TRPV1: variants seen among roughly 807,000 people sequenced by gnomAD.
TRPV1 encodes the protein OTRPC1.
A neutral mutation model predicts 82.3 loss-of-function variants in TRPV1; 82 were observed. That is an observed-to-expected ratio of 1.00 (90% CI 0.83 to 1.20). TRPV1 has a LOEUF of 1.20. TRPV1 is among the 50% of genes most tolerant of loss of function. TRPV1 has a pLI of 0.00. For synonymous variants in TRPV1, 515 were observed against 467.7 expected, an observed-to-expected ratio of 1.10 and a Z score of -1.30; for missense variants, 1,067 against 1,096.8, an observed-to-expected ratio of 0.97 and a Z score of 0.38.
chr17:3,578,043 G>A (rs985971502), intron 11 of TRPV1: 2 of 275,090 alleles, frequency 7.3e-6, no homozygotes, highest in African/African-American at 2.1e-5. Context: ...AGTAGCTCAC[G>A]CCTTTAATCC....
At chr17:3,596,295 GCATC>G (rs113591328) in intron 2 of TRPV1, among the ~76,000 whole-genome samples, 8 of 151,692 alleles carry the variant, frequency 5.3e-5, no homozygotes, top group Non-Finnish European at 8.8e-5. Context: ...TCTGCCCAAA[GCATC>G]CATCCATCCA....
chr17:3,609,249 C>G (rs565332809), intron 1 of TRPV1, 60 bp downstream of exon 1: 9 of 151,884 alleles, frequency 5.9e-5, no homozygotes, highest in Admixed American at 3.3e-4. Flanking sequence ...CATCTTAGAG[C>G]TTCCAGATAA....
intron 16 of TRPV1, among the ~76,000 whole-genome samples, chr17:3,568,280 C>T (rs1468241882): frequency 1.3e-5 from 2 of 150,642 alleles, no homozygotes; most frequent in East Asian, 1.9e-4. Flanking sequence ...CAAGATTGCG[C>T]CACTGCACTC....
At position 3,566,753 on chromosome 17, in the gene TRPV1, GC is replaced by G. The variant is rs941633526; in HGVS notation, c.*61del. The G allele has an allele frequency of 3.8e-5, 59 of 1,567,162 alleles. No homozygotes were observed. The African/African-American group carries it at 6.3e-4, about 17-fold the overall frequency. ...ACAGAGCACTGGTGTTCCCTCAGCA[GC>G]CCCCCGTGGCAACGGGGTCTCCTAA... On this transcript the variant is annotated 3_prime_UTR_variant, in exon 17 of 17. Coordinates refer to ENST00000572705, the MANE Select transcript of TRPV1 (RefSeq NM_080704.4).
At chr17:3,569,681 C>G (rs891683505) in intron 16 of TRPV1, among the ~76,000 whole-genome samples, 6 of 152,130 alleles carry the variant, frequency 3.9e-5, no homozygotes, top group African/African-American at 1.4e-4. Flanking sequence ...GGTGGAAGCC[C>G]AGAAGTCTTT....
intron 14 of TRPV1, among the ~76,000 whole-genome samples, chr17:3,573,334 T>C (rs2074884110): frequency 6.6e-6 from 1 of 152,076 alleles, no homozygotes; most frequent in Non-Finnish European, 1.5e-5. Flanking sequence ...ACGGTGTCTA[T>C]AAACACCAGC....
intron 2 of TRPV1, among the ~76,000 whole-genome samples, chr17:3,599,724 G>T (rs1407465648): frequency 6.6e-6 from 1 of 151,088 alleles, no homozygotes; most frequent in Non-Finnish European, 1.5e-5. Context: ...CACCTCCCTG[G>T]TTCAATCAAT....
chr17:3,571,685 C>G (rs1202018678), intron 15 of TRPV1, 46 bp from the exon 16 acceptor site: 2 of 1,495,502 alleles, frequency 1.3e-6, no homozygotes. Context: ...TGCCCAGCTT[C>G]CCGGGCCAAG....
chr17:3,572,441 C>T (rs752360781), intron 14 of TRPV1, among the ~76,000 whole-genome samples, 192 bp from the exon 15 acceptor site: 1 of 152,170 alleles, frequency 6.6e-6, no homozygotes, highest in Admixed American at 6.5e-5. Flanking sequence ...GGGGCACAGC[C>T]CAGCCAGCCC....
chr17:3,599,957 C>A (rs112610016), intron 2 of TRPV1, among the ~76,000 whole-genome samples: 1 of 152,140 alleles, frequency 6.6e-6, no homozygotes, highest in Non-Finnish European at 1.5e-5. Flanking sequence ...TCCACTGGGG[C>A]GTGGGATGGA....
chr17:3,576,668 A>AAAAAAAAAAAAAAAAAAATAT, intron 13 of TRPV1, among the ~76,000 whole-genome samples: 17 of 38,410 alleles, frequency 4.4e-4, no homozygotes, highest in East Asian at 1.7e-3. Flanking sequence ...AAAAAAAAAA[A>AAAAAAAAAAAAAAAAAAATAT]ATATATATAT....
At chr17:3,576,645 C>T (rs1253622845) in intron 13 of TRPV1, among the ~76,000 whole-genome samples, 1 of 54,558 alleles carries the variant, frequency 1.8e-5, no homozygotes, top group Admixed American at 2.9e-4. Context: ...GAGCTAGACT[C>T]TGTATGAGAA....
At position 3,591,124 on chromosome 17, in the gene TRPV1, A is replaced by G. The variant is rs898845140; in HGVS notation, c.452-8T>C. On this transcript the variant is annotated splice_region_variant and splice_polypyrimidine_tract_variant and intron_variant, in intron 4 of 16. Coordinates refer to ENST00000572705, the MANE Select transcript of TRPV1 (RefSeq NM_080704.4). ...TCTTCCCTGTCTCAGGGTCTGAAAG[A>G]CATAAGGGAGGGTCAGGGCAGGCCA... 6.2e-7 allele frequency: 1 copy of G among 1,611,792 alleles called. No individual in the cohort carries two copies. The highest frequency in any genetic ancestry group is 8.5e-7 in the Non-Finnish European group (1 of 1,179,048).
At chr17:3,586,954 C>T (rs1257010998) in intron 8 of TRPV1, among the ~76,000 whole-genome samples, 3 of 152,172 alleles carry the variant, frequency 2.0e-5, no homozygotes, top group Admixed American at 2.0e-4. Context: ...AAACTCCTTA[C>T]TGCCTCAAGA....
rs1479677015 is a variant in TRPV1, at chr17:3,573,947, T to C, written c.1789A>G (p.Thr597Ala). 1 of 1,602,872 alleles carries C rather than the reference T, an allele frequency of 6.2e-7. No individual in the cohort carries two copies. The highest frequency in any genetic ancestry group is 1.8e-5 in the Admixed American group (1 of 57,098). ...FLFGFSTAVV[T>A]LIEDGKNDSL... ...TCATTCTTCCCGTCTTCAATCAGCG[T>C]CACCACCGCTACAGGGCACAGGGAG... is the stretch of plus-strand genomic sequence containing the variant. The change falls in exon 14 of 17, where the codon ACG (threonine) becomes GCG (alanine). Residue 597 changes from threonine to alanine, a missense_variant. Thr to Ala is a moderately conservative substitution (Grantham distance 58, BLOSUM62 0). Coordinates refer to ENST00000572705, the MANE Select transcript of TRPV1 (RefSeq NM_080704.4).
intron 2 of TRPV1, among the ~76,000 whole-genome samples, chr17:3,605,699 G>C (rs191514970): frequency 6.6e-6 from 1 of 152,268 alleles, no homozygotes; most frequent in Non-Finnish European, 1.5e-5. Context: ...TGCTGTCATT[G>C]TCTGTGTCTT....
chr17:3,567,646 C>T (rs1377415419), intron 16 of TRPV1, among the ~76,000 whole-genome samples: 1 of 151,922 alleles, frequency 6.6e-6, no homozygotes, highest in East Asian at 1.9e-4. Context: ...CACAGAGCAA[C>T]GCCGAGGCCT....
At chr17:3,603,996 A>C (rs1391937255) in intron 2 of TRPV1, among the ~76,000 whole-genome samples, 1 of 152,218 alleles carries the variant, frequency 6.6e-6, no homozygotes, top group Non-Finnish European at 1.5e-5. Flanking sequence ...TCTTGACACT[A>C]GGCAGGGCAG....
At chr17:3,586,041 G>C in intron 8 of TRPV1, 115 bp from the exon 9 acceptor site, 1 of 1,351,612 alleles carries the variant, frequency 7.4e-7, no homozygotes, top group Non-Finnish European at 1.0e-6. Context: ...TCAGCCCACG[G>C]AGCAGGTGAG....
Sources: allele counts gnomAD v4.1 joint callset (sites outside exome capture counted in the v4.1 genomes callset), GRCh38; gene constraint gnomAD v4.1.1; transcripts MANE v1.5; gene names NCBI Gene and HGNC (gene_info 2026-07-23, HGNC 2026-07-21).